HERC6: variants seen among roughly 807,000 people sequenced by gnomAD.
The protein encoded by HERC6 is probable E3 ubiquitin-protein ligase HERC6.
HERC6 carries 101 observed loss-of-function variants against 114.5 expected under a neutral mutation model. The ratio of observed to expected loss-of-function variants is 0.88; its 90% confidence interval spans 0.75 to 1.04. HERC6 has a LOEUF of 1.04. Ranked by LOEUF, HERC6 falls within the 50% of genes least tolerant of loss-of-function variation. The probability of loss-of-function intolerance (pLI) is 0.00; values close to 1 mark genes in which losing one functional copy is unlikely to be tolerated. For missense variants in HERC6, 1,133 were observed against 1,230.9 expected (o/e 0.92, Z 1.19); for synonymous variants, 408 against 436.2 (o/e 0.94, Z 0.81).
intron 10 of HERC6, among the ~76,000 whole-genome samples, chr4:88,406,174 A>C (rs1359132920): frequency 6.6e-6 from 1 of 152,274 alleles, no homozygotes; most frequent in Non-Finnish European, 1.5e-5. Context: ...GAAGAGAAGG[A>C]GAAATAGCAG....
At position 88,395,057 on chromosome 4, in the gene HERC6, T is replaced by C. The variant is rs151302458; in HGVS notation, c.760-958T>C. On this transcript the variant is annotated intron_variant, in intron 5 of 22. Coordinates refer to ENST00000264346, the MANE Select transcript of HERC6 (RefSeq NM_017912.4). ...CAATATATTCCAAAGGGATGGATTC[T>C]TTCTGGAGCCATAAGGAATAGACTT... is the stretch of plus-strand genomic sequence containing the variant. Among the ~76,000 whole-genome samples, 661 of 152,332 alleles carry C rather than the reference T, an allele frequency of 4.3e-3. 4 individuals are homozygous for C. Among genetic ancestry groups the C allele is most frequent in the African/African-American group, 0.015 (608 of 41,574 alleles).
rs190243300 is a variant in HERC6 at position 88,417,539 on chromosome 4, A to G, written c.1673A>G (p.Asn558Ser). The change falls in exon 13 of 23, where the codon AAT becomes AGT. Residue 558 changes from asparagine to serine, a missense_variant. This residue lies in a region of HERC6 where 735 missense variants were observed against 754.0 expected (regional missense o/e 0.97). Transcript: ENST00000264346. Reference protein sequence around the residue: ...HQTKTEQDHCNVKALLGMMKE... With the variant: ...HQTKTEQDHCSVKALLGMMKE... ...ACTAAAACCGAACAGGATCACTGTA[A>G]TGTTAAAGCTCTTTTAGGAATGATG... 1,782 of 1,613,152 alleles carry G rather than the reference A, an allele frequency of 1.1e-3. 6 individuals carry two copies. The highest frequency in any genetic ancestry group is 5.3e-3 in the Middle Eastern group (32 of 6,056).
intron 12 of HERC6, among the ~76,000 whole-genome samples, chr4:88,417,044 A>G (rs1201985195): frequency 3.3e-5 from 5 of 152,190 alleles, no homozygotes; most frequent in Admixed American, 3.3e-4. Flanking sequence ...TTTTTTACAG[A>G]TTAAAAACGT....
At chr4:88,424,541 G>GT (rs1030913873) in intron 14 of HERC6, 54 bp from the exon 15 acceptor site, 71 of 1,358,624 alleles carry the variant, frequency 5.2e-5, no homozygotes, top group East Asian at 3.5e-4. Context: ...AAGGAAGTAA[G>GT]TTTTTTTTCA....
rs1735213961 is a variant in HERC6, at chr4:88,396,065, C to T, written c.810C>T (p.Tyr270=). The part of the protein sequence containing the change: ...FGDNRSGQLG[Y]SPTPEKRGPQ... ...ACAATCGCTCTGGACAGCTGGGATACAGCCCCACTCCTGAGAAGAGAGGTC... is the reference window on the plus strand; with the variant it reads ...ACAATCGCTCTGGACAGCTGGGATATAGCCCCACTCCTGAGAAGAGAGGTC... The change falls in exon 6 of 23, where the codon TAC becomes TAT. Residue 270 remains tyrosine, a synonymous_variant. Coordinates refer to ENST00000264346, the MANE Select transcript of HERC6 (RefSeq NM_017912.4). 1.2e-6 allele frequency: 2 copies of T among 1,608,746 alleles called. No homozygotes were observed. The highest frequency in any genetic ancestry group is 2.2e-5 in the East Asian group (1 of 44,534).
chr4:88,440,172 CA>C lies in HERC6; in HGVS notation c.2769del (p.Lys923AsnfsTer16). 6.2e-7 allele frequency: 1 copy of C among 1,608,680 alleles called. No individual in the cohort carries two copies. The highest frequency in any genetic ancestry group is 8.5e-7 in the Non-Finnish European group (1 of 1,176,852). Reference protein sequence around the residue: ...EQNSKYEQGYQKSHPTIQLFW... With the variant: ...EQNSKYEQGYXKSHPTIQLFW... ...GAATTCAAAGTATGAGCAAGGATAC[CA>C]AAAATCACATCCTACTATACAGTTG... On this transcript the variant is annotated frameshift_variant, in exon 22 of 23. Coordinates refer to ENST00000264346, the MANE Select transcript of HERC6 (RefSeq NM_017912.4). LOFTEE classifies it high-confidence loss of function.
Position 88,436,889 on chromosome 4 carries a change from C to G in HERC6, c.2418-16C>G, listed in dbSNP as rs570020720. The G allele has an allele frequency of 7.6e-6, 12 of 1,579,542 alleles. No individual in the cohort carries two copies. The South Asian group carries it at 1.4e-4, about 19-fold the overall frequency. On this transcript the variant is annotated splice_polypyrimidine_tract_variant and intron_variant, in intron 18 of 22. Coordinates refer to ENST00000264346, the MANE Select transcript of HERC6 (RefSeq NM_017912.4). ...AGATCAATAAATATAATTTTTAAAACCAAAATCTTCATTAGGAGTTTGCAA... is the reference window on the plus strand; with the variant it reads ...AGATCAATAAATATAATTTTTAAAAGCAAAATCTTCATTAGGAGTTTGCAA...
chr4:88,441,772 T>C (rs1024519597), intron 22 of HERC6, among the ~76,000 whole-genome samples: 19 of 152,342 alleles, frequency 1.2e-4, no homozygotes, highest in African/African-American at 4.3e-4. Flanking sequence ...AAACTTTTGA[T>C]TCAGCCCAGT....
intron 16 of HERC6, 139 bp downstream of exon 16, chr4:88,428,889 C>T: frequency 1.6e-6 from 1 of 641,010 alleles, no homozygotes; most frequent in South Asian, 3.4e-5. Context: ...TCCCCTCTTA[C>T]CCTTCAGAGA....
At chr4:88,431,583 T>A (rs1355593335) in intron 17 of HERC6, among the ~76,000 whole-genome samples, 1 of 152,188 alleles carries the variant, frequency 6.6e-6, no homozygotes, top group Non-Finnish European at 1.5e-5. Context: ...TTTTTAATGG[T>A]TTTAATAAAT....
chr4:88,396,585 A>G (rs1373611559), intron 6 of HERC6, among the ~76,000 whole-genome samples: 2 of 152,238 alleles, frequency 1.3e-5, no homozygotes, highest in Admixed American at 1.3e-4. Context: ...AAATGCCTGC[A>G]TTTAGAACAC....
chr4:88,379,462 T>G (rs1182829817), intron 1 of HERC6, among the ~76,000 whole-genome samples: 1 of 151,432 alleles, frequency 6.6e-6, no homozygotes, highest in East Asian at 1.9e-4. Flanking sequence ...GAAACTAACC[T>G]GGTCAGCGCT....
chr4:88,397,313 T>C (rs1255391434), intron 7 of HERC6, among the ~76,000 whole-genome samples: 2 of 151,668 alleles, frequency 1.3e-5, no homozygotes, highest in Non-Finnish European at 2.9e-5. Context: ...GGTTTCTCCG[T>C]GTTGGTCAGA....
intron 18 of HERC6, among the ~76,000 whole-genome samples, chr4:88,436,645 A>G (rs182444801): frequency 1.5e-4 from 23 of 152,204 alleles, no homozygotes; most frequent in Non-Finnish European, 2.6e-4. Flanking sequence ...TCCCTGATTC[A>G]GAATCACTGT....
intron 11 of HERC6, among the ~76,000 whole-genome samples, 154 bp from the exon 12 acceptor site, chr4:88,412,923 G>A (rs899036752): frequency 6.6e-6 from 1 of 152,220 alleles, no homozygotes; most frequent in African/African-American, 2.4e-5. Context: ...GATGGAAGGA[G>A]TGATGGAGTC....
At chr4:88,381,939 A>AGACC (rs1390558186) in intron 1 of HERC6, among the ~76,000 whole-genome samples, 1 of 152,100 alleles carries the variant, frequency 6.6e-6, no homozygotes, top group Non-Finnish European at 1.5e-5. Flanking sequence ...AAGAGAGCAG[A>AGACC]GACCTCTTCC....
chr4:88,436,518 G>A (rs1738763460), intron 18 of HERC6, among the ~76,000 whole-genome samples: 1 of 152,144 alleles, frequency 6.6e-6, no homozygotes. Context: ...GGCATTGTGG[G>A]ATGTTTAGCA....
Position 88,379,116 on chromosome 4 carries a change from G to T in HERC6, c.195G>T (p.Leu65=). The change falls in exon 1 of 23, where the codon CTG becomes CTT. Residue 65 remains leucine, a synonymous_variant. Transcript: ENST00000264346. ...GCAGGGGCGCGCAGCGCGGGGAGCT[G>T]CCAGGTGAGCGGGGGGCCCCAGGTG... The part of the protein sequence containing the change: ...LGRRGAQRGE[L]PEPIQALETL... The T allele has an allele frequency of 6.5e-7, 1 of 1,540,726 alleles. No individual in the cohort carries two copies. Among genetic ancestry groups the T allele is most frequent in the Non-Finnish European group, 8.7e-7 (1 of 1,145,522 alleles).
In HERC6 at chr4:88,390,720, C is replaced by A; in HGVS notation, c.505C>A (p.Gln169Lys). 1 of 1,614,024 alleles carries A rather than the reference C, an allele frequency of 6.2e-7. No homozygotes were observed. ...GGGCTTGGGGAAGGAGTTCCCCTCC[C>A]AAGCCAGCCCGCAGAGGGTGAGGTC... ...QLGLGKEFPSQASPQRVRSLE... is the reference protein window; with the variant it reads ...QLGLGKEFPSKASPQRVRSLE... Residue 169 changes from glutamine to lysine, a missense_variant, in exon 4 of 23, where the codon CAA (glutamine) becomes AAA (lysine). Gln to Lys is a moderately conservative substitution (Grantham distance 53). Transcript: ENST00000264346.
Sources: allele counts gnomAD v4.1 joint callset (sites outside exome capture counted in the v4.1 genomes callset), GRCh38; gene constraint gnomAD v4.1.1; regional missense constraint gnomAD v4.1.1; transcripts MANE v1.5; gene names NCBI Gene and HGNC (gene_info 2026-07-23, HGNC 2026-07-21).